FYB1: variants seen among roughly 807,000 people sequenced by gnomAD.
FYB1 encodes FYN-binding protein 1.
A neutral mutation model predicts 94.1 loss-of-function variants in FYB1; 41 were observed. That is an observed-to-expected ratio of 0.44 (90% CI 0.34 to 0.57). FYB1 has a LOEUF of 0.57. FYB1 is among the 20% of genes least tolerant of loss of function. The pLI, the probability that FYB1 is intolerant of heterozygous loss-of-function variation, is 0.02. For missense variants in FYB1, 1,050 were observed against 976.8 expected, an observed-to-expected ratio of 1.07 and a Z score of -1.00; for synonymous variants, 367 against 353.2, an observed-to-expected ratio of 1.04 and a Z score of -0.44.
chr5:39,187,757 C>T (rs938158189), intron 2 of FYB1, among the ~76,000 whole-genome samples: 3 of 152,160 alleles, frequency 2.0e-5, no homozygotes. Flanking sequence ...GACTGACACC[C>T]AGTTATTCAG....
intron 2 of FYB1, among the ~76,000 whole-genome samples, chr5:39,196,141 A>C (rs1298706033): frequency 6.6e-6 from 1 of 152,096 alleles, no homozygotes; most frequent in Non-Finnish European, 1.5e-5. Flanking sequence ...GCTAAGCTAT[A>C]GAGTATTAAA....
chr5:39,230,878 C>CAT lies in FYB1; in HGVS notation c.-27-27893_-27-27892dup, dbSNP rs1554042702. 4.7e-5 allele frequency among the ~76,000 whole-genome samples: 6 copies of CAT among 128,334 alleles called. No individual in the cohort carries two copies. The South Asian group carries it at 7.6e-4, about 16-fold the overall frequency. The allele number at this position is 128,334 out of a possible 152,430, so 84.2% of individuals were successfully genotyped here. ...ACACACACACACACACACACACACA[C>CAT]ATATATATACACATACATGTATATA... On this transcript the variant is annotated intron_variant, in intron 1 of 1. Transcript: ENST00000510188.
chr5:39,165,031 C>A (rs1429170895), intron 2 of FYB1, among the ~76,000 whole-genome samples: 1 of 152,174 alleles, frequency 6.6e-6, no homozygotes. Flanking sequence ...CTGTAAGAAG[C>A]ACAACTACAT....
At chr5:39,204,154 A>T (rs1748628322) in intron 1 of FYB1, among the ~76,000 whole-genome samples, 1 of 152,154 alleles carries the variant, frequency 6.6e-6, no homozygotes, top group Admixed American at 6.5e-5. Flanking sequence ...CCAGCTGGAA[A>T]GGTTGCTCCC....
intron 16 of FYB1, among the ~76,000 whole-genome samples, chr5:39,118,483 G>A (rs6878389): frequency 0.017 from 2,619 of 152,164 alleles, 94 homozygotes; most frequent in African/African-American, 0.06. Flanking sequence ...GAACAAGCTA[G>A]GGAAAAAGTT....
chr5:39,190,072 G>A (rs1420497454), intron 2 of FYB1, among the ~76,000 whole-genome samples: 1 of 152,150 alleles, frequency 6.6e-6, no homozygotes, highest in Non-Finnish European at 1.5e-5. Flanking sequence ...TAAGGAGCAC[G>A]GTAACATAGC....
At chr5:39,121,316 G>A (rs1201896899) in intron 14 of FYB1, among the ~76,000 whole-genome samples, 1 of 151,804 alleles carries the variant, frequency 6.6e-6, no homozygotes, top group African/African-American at 2.4e-5. Flanking sequence ...AAGGGCAACG[G>A]CTCTCTTTTC....
At chr5:39,183,200 G>A (rs1746419816) in intron 2 of FYB1, among the ~76,000 whole-genome samples, 1 of 152,014 alleles carries the variant, frequency 6.6e-6, no homozygotes, top group Admixed American at 6.5e-5. Context: ...TGGTCAGGCT[G>A]GTCTCGAACT....
chr5:39,151,284 C>T (rs548637412), intron 3 of FYB1, among the ~76,000 whole-genome samples: 9 of 152,172 alleles, frequency 5.9e-5, no homozygotes, highest in African/African-American at 1.9e-4. Context: ...ATATTCTTTA[C>T]CTGTTTATTA....
At chr5:39,168,189 TTTAA>T (rs1156518979) in intron 2 of FYB1, among the ~76,000 whole-genome samples, 1 of 152,230 alleles carries the variant, frequency 6.6e-6, no homozygotes, top group Non-Finnish European at 1.5e-5. Context: ...ATATTCCATT[TTTAA>T]TTAAAGTGCC....
intron 1 of FYB1, among the ~76,000 whole-genome samples, chr5:39,266,423 C>T (rs2111711629): frequency 6.6e-6 from 1 of 152,312 alleles, no homozygotes; most frequent in South Asian, 2.1e-4. Flanking sequence ...GTCGTGTGTC[C>T]AATGCCCATC....
intron 1 of FYB1, among the ~76,000 whole-genome samples, chr5:39,261,276 C>A (rs915870816): frequency 1.4e-5 from 2 of 145,748 alleles, no homozygotes; most frequent in African/African-American, 5.1e-5. Context: ...GCACGTTCTG[C>A]ACATGTATCT....
At chr5:39,135,097 T>A (rs1016139152) in intron 7 of FYB1, 83 bp from the exon 8 acceptor site, 6 of 1,446,698 alleles carry the variant, frequency 4.1e-6, no homozygotes, top group Non-Finnish European at 5.7e-6. Flanking sequence ...AAGATATAAG[T>A]CTACAACTTG....
At chr5:39,169,745 A>T (rs1264201589) in intron 2 of FYB1, 2 of 479,738 alleles carry the variant, frequency 4.2e-6, no homozygotes, top group Non-Finnish European at 8.2e-6. Flanking sequence ...TGCCATCTTC[A>T]TTAGGTGTTG....
In FYB1 at chr5:39,153,234, A is replaced by C. The variant is rs544421134; in HGVS notation, c.1292+214T>G. On this transcript the variant is annotated intron_variant, in intron 3 of 18. Coordinates refer to ENST00000512982, the MANE Select transcript of FYB1 (RefSeq NM_001465.6). ...TAAGGGGAAACCCAACATAAAACAG[A>C]TAAATAAGAATGGCTCAGAACTGAG... 3.3e-5 allele frequency among the ~76,000 whole-genome samples: 5 copies of C among 152,284 alleles called. No homozygotes were observed. The South Asian group carries it at 1.0e-3, about 32-fold the overall frequency.
intron 2 of FYB1, among the ~76,000 whole-genome samples, chr5:39,182,314 TG>T (rs1746330260): frequency 7.4e-6 from 1 of 135,336 alleles, no homozygotes; most frequent in African/African-American, 2.9e-5. Context: ...TGTGTGTGTG[TG>T]TGTGTGTGTG....
rs182684753 is a variant in FYB1, at chr5:39,247,730, C to T, written c.-28+26673G>A. Among the ~76,000 whole-genome samples, 8 of 151,488 alleles carry T rather than the reference C, an allele frequency of 5.3e-5. No homozygotes were observed. The East Asian group carries it at 1.5e-3, about 29-fold the overall frequency. ...ATATTACATGGTGAAGTAAACATTCCAGGGTTAATTTCAGCAAATTTCACT... is the reference window on the plus strand; with the variant it reads ...ATATTACATGGTGAAGTAAACATTCTAGGGTTAATTTCAGCAAATTTCACT... On this transcript the variant is annotated intron_variant, in intron 1 of 1. Transcript: ENST00000510188.
chr5:39,202,839 T>C lies in FYB1; in HGVS notation c.122A>G (p.Asn41Ser), dbSNP rs868402505. The change falls in exon 2 of 19, where the codon AAC becomes AGC. Residue 41 changes from asparagine (N) to serine (S), a missense_variant. Physicochemically the swap from Asn to Ser is conservative, Grantham distance 46. Transcript: ENST00000512982. ...TGCAGGAGGGCTGGCATTTCCTTGG[T>C]TGTTGAATAAGTTCTTTCTTGCTTG... is the stretch of plus-strand genomic sequence containing the variant. ...GIQARKNLFN[N>S]QGNASPPAGP... 2 of 1,613,942 alleles carry C rather than the reference T, an allele frequency of 1.2e-6. No individual in the cohort carries two copies. Among genetic ancestry groups the C allele is most frequent in the Admixed American group, 3.3e-5 (2 of 60,014 alleles).
rs1745042351 is a variant in FYB1 at position 39,169,411 on chromosome 5, T to C, written c.1136-15807A>G. ...TTTCCGTACATTCCTGCCAGATTAG[T>C]TTCTGTGCCATTAAAAAGAACAGGA... is the stretch of plus-strand genomic sequence containing the variant. On this transcript the variant is annotated intron_variant, in intron 2 of 18. Coordinates refer to ENST00000512982, the MANE Select transcript of FYB1 (RefSeq NM_001465.6). 6 of 751,532 alleles carry C rather than the reference T, an allele frequency of 8.0e-6. No homozygotes were observed. The Admixed American group carries it at 1.0e-4, about 13-fold the overall frequency. The allele number at this position is 751,532 out of a possible 1,614,324, so 46.6% of individuals were successfully genotyped here. A position where few individuals can be genotyped will look rare whatever the true frequency, so the allele number is the denominator to read the frequency against.
Sources: gnomAD v4.1 joint callset for allele counts (sites outside exome capture counted in the v4.1 genomes callset) on GRCh38, gnomAD v4.1.1 for gene constraint, MANE v1.5 for transcripts, NCBI Gene and HGNC (gene_info 2026-07-23, HGNC 2026-07-21) for gene names.